Variants in ARHGEF3 observed in about 807,000 individuals in gnomAD.
The protein encoded by ARHGEF3 is 59.8 kDA protein.
A neutral mutation model predicts 63.2 loss-of-function variants in ARHGEF3; 28 were observed. The observed-to-expected ratio is 0.44, with a 90% CI of 0.33 to 0.61. The LOEUF (loss-of-function observed/expected upper bound fraction) is 0.61, where lower values mean the gene tolerates loss of function less well. ARHGEF3 is among the 20% of genes least tolerant of loss of function. The pLI is 0.03. For missense variants in ARHGEF3, 533 were observed against 659.3 expected, an observed-to-expected ratio of 0.81 and a Z score of 2.10; for synonymous variants, 266 against 254.2, an observed-to-expected ratio of 1.05 and a Z score of -0.44.
chr3:56,782,246 G>A (rs2036596759), intron 1 of ARHGEF3, among the ~76,000 whole-genome samples: 1 of 152,134 alleles, frequency 6.6e-6, no homozygotes, highest in Non-Finnish European at 1.5e-5. Context: ...GACAAATAAT[G>A]AGGCCCAAAT....
intron 4 of ARHGEF3, among the ~76,000 whole-genome samples, chr3:56,838,274 A>G (rs761223078): frequency 1.3e-5 from 2 of 152,208 alleles, no homozygotes; most frequent in Non-Finnish European, 2.9e-5. Context: ...TGTTTACCAA[A>G]TTAAATGATA....
At chr3:56,840,918 G>T (rs1432090617) in intron 4 of ARHGEF3, among the ~76,000 whole-genome samples, 3 of 152,070 alleles carry the variant, frequency 2.0e-5, no homozygotes, top group South Asian at 4.2e-4. Flanking sequence ...GATAGAAAAG[G>T]TTTTTTTAAA....
intron 1 of ARHGEF3, among the ~76,000 whole-genome samples, chr3:56,786,951 G>A (rs1334067023): frequency 6.6e-6 from 1 of 152,056 alleles, no homozygotes; most frequent in Non-Finnish European, 1.5e-5. Context: ...AGTGGTAAGG[G>A]ATGTCAATAA....
intron 4 of ARHGEF3, among the ~76,000 whole-genome samples, chr3:56,809,329 A>G (rs773761896): frequency 1.3e-5 from 2 of 152,268 alleles, no homozygotes; most frequent in African/African-American, 2.4e-5. Context: ...AATAAAGAAG[A>G]AACCAGGGAA....
intron 2 of ARHGEF3, among the ~76,000 whole-genome samples, chr3:57,003,053 A>G (rs1426050366): frequency 6.6e-6 from 1 of 151,184 alleles, no homozygotes; most frequent in African/African-American, 2.4e-5. Context: ...TACAGGCGTG[A>G]GCCACTGTGC....
intron 7 of ARHGEF3, 128 bp from the exon 8 acceptor site, chr3:56,737,483 T>C: frequency 1.5e-6 from 1 of 651,834 alleles, no homozygotes; most frequent in Non-Finnish European, 2.3e-6. Flanking sequence ...AAGTTGCTAC[T>C]TTGGGAAAAG....
At chr3:56,874,110 C>T (rs1314799605) in intron 4 of ARHGEF3, among the ~76,000 whole-genome samples, 2 of 152,290 alleles carry the variant, frequency 1.3e-5, no homozygotes, top group South Asian at 2.1e-4. Context: ...TCTATGTGAA[C>T]GCTCAAAGCA....
Position 56,755,677 on chromosome 3 carries a change from T to C in ARHGEF3, c.205-526A>G, listed in dbSNP as rs544703800. ...CACCATCCTAGTTCAGGGATGGGCA[T>C]GTGATTCCCTGAAATTTGTCACATG... On this transcript the variant is annotated intron_variant, in intron 2 of 9. Transcript: ENST00000296315. 1.8e-3 allele frequency among the ~76,000 whole-genome samples: 275 copies of C among 152,314 alleles called. 4 individuals are homozygous for C. Among genetic ancestry groups the C allele is most frequent in the Middle Eastern group, 6.8e-3 (2 of 294 alleles).
At chr3:56,908,100 A>G (rs2041752015) in intron 3 of ARHGEF3, among the ~76,000 whole-genome samples, 1 of 152,224 alleles carries the variant, frequency 6.6e-6, no homozygotes, top group Non-Finnish European at 1.5e-5. Context: ...AGGCTGGGCA[A>G]CAAAAGGAGA....
chr3:57,019,480 G>A (rs1378564533), intron 2 of ARHGEF3, among the ~76,000 whole-genome samples: 1 of 152,054 alleles, frequency 6.6e-6, no homozygotes, highest in Non-Finnish European at 1.5e-5. Flanking sequence ...CTGGAATGGG[G>A]GCAGAGTGCT....
Position 56,732,435 on chromosome 3 carries a change from A to C in ARHGEF3, c.1042-11T>G. On this transcript the variant is annotated splice_polypyrimidine_tract_variant and intron_variant, in intron 8 of 9. Coordinates refer to ENST00000296315, the MANE Select transcript of ARHGEF3 (RefSeq NM_019555.3). ...GAAAACATGCAGTTTCTAGAAGAAA[A>C]AAATCCACAAGCTTTCATTAAGCAA... The C allele has an allele frequency of 6.2e-7, 1 of 1,614,130 alleles. No homozygotes were observed. Among genetic ancestry groups the C allele is most frequent in the Non-Finnish European group, 8.5e-7 (1 of 1,179,960 alleles).
chr3:56,977,009 C>T (rs1386452596), intron 2 of ARHGEF3, among the ~76,000 whole-genome samples: 2 of 151,932 alleles, frequency 1.3e-5, no homozygotes, highest in East Asian at 1.9e-4. Flanking sequence ...ACTATTCGTA[C>T]TGTGCTTTTT....
At chr3:57,013,428 C>T (rs1422303365) in intron 2 of ARHGEF3, among the ~76,000 whole-genome samples, 2 of 152,180 alleles carry the variant, frequency 1.3e-5, no homozygotes, top group Non-Finnish European at 2.9e-5. Flanking sequence ...TGTGGATGCA[C>T]CAATCAGCAC....
intron 1 of ARHGEF3, among the ~76,000 whole-genome samples, chr3:57,058,970 C>T (rs983990122): frequency 1.6e-5 from 2 of 128,362 alleles, no homozygotes; most frequent in African/African-American, 3.1e-5. Flanking sequence ...AGAAGGGGAA[C>T]ATCACACACC....
upstream of ARHGEF3, among the ~76,000 whole-genome samples, chr3:56,803,081 G>C (rs1459794934): frequency 6.6e-6 from 1 of 152,154 alleles, no homozygotes; most frequent in Admixed American, 6.5e-5. Flanking sequence ...ACATATTTGT[G>C]GGTAAATAGC....
chr3:56,893,811 C>CAAAAAAAAAAAAAAAAAAAAAAA (rs537483698), intron 3 of ARHGEF3, among the ~76,000 whole-genome samples: 1 of 79,542 alleles, frequency 1.3e-5, no homozygotes, highest in Non-Finnish European at 2.7e-5. Flanking sequence ...GACTCTGTCT[C>CAAAAAAAAAAAAAAAAAAAAAAA]AAAAAAAAAA....
intron 4 of ARHGEF3, among the ~76,000 whole-genome samples, chr3:56,860,328 T>C (rs1260663581): frequency 1.3e-5 from 2 of 152,042 alleles, no homozygotes; most frequent in Non-Finnish European, 2.9e-5. Context: ...ACTACAGGTG[T>C]GTGCAACCAT....
chr3:57,027,535 T>C (rs183023962), intron 2 of ARHGEF3, among the ~76,000 whole-genome samples: 2 of 152,106 alleles, frequency 1.3e-5, no homozygotes, highest in East Asian at 1.9e-4. Context: ...GTGAGAAGGC[T>C]GAGAGCTTTC....
intron 3 of ARHGEF3, among the ~76,000 whole-genome samples, chr3:56,901,951 G>A (rs964285383): frequency 6.6e-6 from 1 of 152,104 alleles, no homozygotes; most frequent in African/African-American, 2.4e-5. Context: ...CTTATCTAAC[G>A]TGTATTTTCT....
Sources: gnomAD v4.1 joint callset for allele counts (sites outside exome capture counted in the v4.1 genomes callset) on GRCh38, gnomAD v4.1.1 for gene constraint, MANE v1.5 for transcripts, NCBI Gene and HGNC (gene_info 2026-07-23, HGNC 2026-07-21) for gene names.